The following SH3GL3 variants were observed in gnomAD, a reference collection of about 807,000 sequenced individuals.
SH3GL3 encodes SH3 domain containing GRB2 like 3, endophilin A3, also known as endophilin-A3.
In SH3GL3, 33 loss-of-function variants were observed where a neutral mutation model predicts 47.7. The observed-to-expected ratio is 0.69, with a 90% confidence interval of 0.52 to 0.92. The LOEUF is 0.92. Ranked by LOEUF, SH3GL3 falls within the 40% of genes least tolerant of loss-of-function variation. The pLI is 0.00. For synonymous variants in SH3GL3, 155 were observed against 148.8 expected, an observed-to-expected ratio of 1.04 and a Z score of -0.30; for missense variants, 363 against 417.8, an observed-to-expected ratio of 0.87 and a Z score of 1.14.
intron 1 of SH3GL3, among the ~76,000 whole-genome samples, chr15:83,473,760 G>T (rs1475766637): frequency 6.6e-6 from 1 of 151,580 alleles, no homozygotes; most frequent in African/African-American, 2.4e-5. Flanking sequence ...TGTTAGCCAG[G>T]ATGGTCTCGA....
At chr15:83,530,626 T>G (rs1345854279) in intron 1 of SH3GL3, among the ~76,000 whole-genome samples, 1 of 152,072 alleles carries the variant, frequency 6.6e-6, no homozygotes, top group African/African-American at 2.4e-5. Context: ...GTTTTTTTTT[T>G]TAATAAGAGG....
At chr15:83,540,819 A>G (rs2044118824) in intron 1 of SH3GL3, among the ~76,000 whole-genome samples, 1 of 152,170 alleles carries the variant, frequency 6.6e-6, no homozygotes, top group African/African-American at 2.4e-5. Context: ...GTTACTCTAA[A>G]ATGTACAACA....
chr15:83,579,513 C>G (rs1236867599), intron 6 of SH3GL3, among the ~76,000 whole-genome samples: 1 of 152,190 alleles, frequency 6.6e-6, no homozygotes, highest in Non-Finnish European at 1.5e-5. Context: ...CTTCCTGCTT[C>G]CTGCTTCCTG....
Position 83,532,837 on chromosome 15 carries a change from T to C in SH3GL3, c.46-26416T>C, listed in dbSNP as rs17158886. On this transcript the variant is annotated intron_variant, in intron 1 of 8. Transcript: ENST00000427482. ...GCCTCATACATGTTCATGTTCAAGATAGGAAGAAGGGAGGAAGAGTGGCAT... is the reference window on the plus strand; with the variant it reads ...GCCTCATACATGTTCATGTTCAAGACAGGAAGAAGGGAGGAAGAGTGGCAT... Among the ~76,000 whole-genome samples the C allele has an allele frequency of 3.3e-3, 504 of 152,260 alleles. 2 individuals carry two copies. Among genetic ancestry groups the C allele is most frequent in the African/African-American group, 0.012 (488 of 41,542 alleles).
rs112087611 is a variant in SH3GL3 at position 83,563,799 on chromosome 15, C to T, written c.115-1335C>T. Among the ~76,000 whole-genome samples, 1,022 of 152,040 alleles carry T rather than the reference C, an allele frequency of 6.7e-3. 14 individuals are homozygous for T. The highest frequency in any genetic ancestry group is 0.023 in the African/African-American group (975 of 41,502). On this transcript the variant is annotated intron_variant, in intron 2 of 8. Transcript: ENST00000427482. The stretch of plus-strand genomic sequence containing the variant: ...GATTATAGGCACCCGTCATCATGCC[C>T]GGCTAATTTTTGCATTTTTGTAGAG...
intron 1 of SH3GL3, among the ~76,000 whole-genome samples, chr15:83,514,679 A>G (rs777949832): frequency 2.0e-5 from 3 of 152,238 alleles, no homozygotes; most frequent in Non-Finnish European, 4.4e-5. Flanking sequence ...ATCTATAGGC[A>G]TAAATGGTAG....
intron 8 of SH3GL3, among the ~76,000 whole-genome samples, chr15:83,608,068 C>A (rs1344858438): frequency 6.6e-6 from 1 of 151,966 alleles, no homozygotes; most frequent in African/African-American, 2.4e-5. Flanking sequence ...TAGTTAAACC[C>A]ATCTAATATA....
chr15:83,542,148 T>C (rs1434309699), intron 1 of SH3GL3, among the ~76,000 whole-genome samples: 1 of 152,180 alleles, frequency 6.6e-6, no homozygotes, highest in African/African-American at 2.4e-5. Context: ...TTTTTGTATA[T>C]GGTGAGAGAT....
At chr15:83,544,729 C>T (rs1309236821) in intron 1 of SH3GL3, among the ~76,000 whole-genome samples, 1 of 152,116 alleles carries the variant, frequency 6.6e-6, no homozygotes, top group African/African-American at 2.4e-5. Context: ...AATACTTCAG[C>T]TTTCGTTTGT....
intron 2 of SH3GL3, among the ~76,000 whole-genome samples, chr15:83,564,753 G>A (rs751648851): frequency 2.6e-5 from 4 of 152,118 alleles, no homozygotes; most frequent in Middle Eastern, 3.2e-3. Context: ...CCTTATATAA[G>A]TATAGAAATT....
intron 8 of SH3GL3, among the ~76,000 whole-genome samples, chr15:83,608,842 T>G (rs1046223271): frequency 6.7e-6 from 1 of 149,616 alleles, no homozygotes; most frequent in African/African-American, 2.5e-5. Context: ...GGATCGAAGC[T>G]TCTAGGAGAC....
At chr15:83,491,335 A>T (rs2041866726) in intron 1 of SH3GL3, among the ~76,000 whole-genome samples, 1 of 152,222 alleles carries the variant, frequency 6.6e-6, no homozygotes, top group African/African-American at 2.4e-5. Context: ...TCAACATGTC[A>T]GTGTTGTATG....
chr15:83,501,253 G>C (rs931277364), intron 1 of SH3GL3, among the ~76,000 whole-genome samples: 3 of 152,066 alleles, frequency 2.0e-5, no homozygotes, highest in African/African-American at 7.2e-5. Flanking sequence ...ATTATTGTCT[G>C]GAAAAACTGT....
At chr15:83,598,029 A>G (rs1451573608) in intron 8 of SH3GL3, among the ~76,000 whole-genome samples, 1 of 152,202 alleles carries the variant, frequency 6.6e-6, no homozygotes, top group Non-Finnish European at 1.5e-5. Context: ...TCTGTGCACA[A>G]CTTTTTATTT....
chr15:83,472,374 T>C (rs2040870421), intron 1 of SH3GL3, among the ~76,000 whole-genome samples: 2 of 152,202 alleles, frequency 1.3e-5, no homozygotes, highest in Non-Finnish European at 2.9e-5. Context: ...CTCATGTCCC[T>C]GCAGCTTTGT....
downstream of SH3GL3, chr15:83,618,881 A>C (rs530171571): frequency 6.5e-6 from 1 of 152,746 alleles, no homozygotes; most frequent in Non-Finnish European, 1.5e-5. Flanking sequence ...TTCGCTTTCC[A>C]CCTGATTCAA....
At chr15:83,450,901 C>T (rs2039737798) in intron 1 of SH3GL3, among the ~76,000 whole-genome samples, 1 of 132,152 alleles carries the variant, frequency 7.6e-6, no homozygotes, top group East Asian at 2.3e-4. Flanking sequence ...GTGCGCTGCA[C>T]CCACTAAAGT....
intron 1 of SH3GL3, among the ~76,000 whole-genome samples, chr15:83,523,692 G>A (rs894384672): frequency 1.3e-5 from 2 of 152,110 alleles, no homozygotes; most frequent in African/African-American, 4.8e-5. Flanking sequence ...ATCCAACATA[G>A]CCTAAACTAT....
chr15:83,601,983 C>A (rs2151830707), intron 8 of SH3GL3, among the ~76,000 whole-genome samples: 1 of 150,984 alleles, frequency 6.6e-6, no homozygotes, highest in South Asian at 2.1e-4. Flanking sequence ...AACCGAAATG[C>A]AGTAAAATAG....
Sources: gnomAD v4.1 joint callset for allele counts (sites outside exome capture counted in the v4.1 genomes callset) on GRCh38, gnomAD v4.1.1 for gene constraint, MANE v1.5 for transcripts, NCBI Gene and HGNC (gene_info 2026-07-23, HGNC 2026-07-21) for gene names.